PPME1: variants seen among roughly 807,000 people sequenced by gnomAD.
PPME1 encodes testicular secretory protein Li 39.
A neutral mutation model predicts 56.9 loss-of-function variants in PPME1; 17 were observed. That is an observed-to-expected ratio of 0.30 (90% CI 0.20 to 0.45). PPME1 has a LOEUF of 0.45. Ranked by LOEUF, PPME1 falls within the 20% of genes least tolerant of loss-of-function variation. PPME1 has a pLI of 1.00. For synonymous variants in PPME1, 122 were observed against 156.2 expected (o/e 0.78, Z 1.63); for missense variants, 357 against 483.2 (o/e 0.74, Z 2.45).
chr11:74,219,757 A>AGGGAGGT (rs1433497920), intron 3 of PPME1, among the ~76,000 whole-genome samples: 1 of 152,022 alleles, frequency 6.6e-6, no homozygotes, highest in Non-Finnish European at 1.5e-5. Flanking sequence ...GGATGGGGAG[A>AGGGAGGT]GGGAGGTGGG....
chr11:74,238,978 C>A, intron 8 of PPME1, 155 bp from the exon 9 acceptor site: 2 of 747,032 alleles, frequency 2.7e-6, no homozygotes, highest in Non-Finnish European at 4.2e-6. Context: ...CATGATTTTC[C>A]ACAGCCCTGG....
chr11:74,222,452 C>G, intron 4 of PPME1, 83 bp downstream of exon 4: 1 of 1,227,802 alleles, frequency 8.1e-7, no homozygotes, highest in Non-Finnish European at 1.2e-6. Flanking sequence ...GAAATTTCAA[C>G]GTGGCCATAA....
chr11:74,229,447 T>G (rs1293878519), intron 5 of PPME1, among the ~76,000 whole-genome samples: 1 of 151,918 alleles, frequency 6.6e-6, no homozygotes, highest in Non-Finnish European at 1.5e-5. Flanking sequence ...AAAACCAAAC[T>G]TCATACTTCA....
In PPME1 at chr11:74,171,304, G is replaced by A; in HGVS notation, c.-118G>A. ...GGTAGGCGGTGCTACGGGTAGCTGG[G>A]TGCTGTCCAAAGGCGACAGGGCGTC... On this transcript the variant is annotated 5_prime_UTR_variant, in exon 1 of 14. It adds an upstream start codon to the 5' untranslated region. Coordinates refer to ENST00000328257, the MANE Select transcript of PPME1 (RefSeq NM_016147.3). 1 of 1,510,086 alleles carries A rather than the reference G, an allele frequency of 6.6e-7. No homozygotes were observed. Among genetic ancestry groups the A allele is most frequent in the Non-Finnish European group, 8.9e-7 (1 of 1,129,826 alleles). The allele number at this position is 1,510,086 out of a possible 1,614,324, so 93.5% of individuals were successfully genotyped here.
chr11:74,173,768 C>T (rs1188552366), intron 1 of PPME1, among the ~76,000 whole-genome samples: 1 of 152,182 alleles, frequency 6.6e-6, no homozygotes, highest in Admixed American at 6.5e-5. Flanking sequence ...TCTTAAACTC[C>T]TGGCCTTAAG....
At position 74,222,344 on chromosome 11, in the gene PPME1, T is replaced by C; in HGVS notation, c.321T>C (p.Ile107=). The change falls in exon 4 of 14, where the codon ATT becomes ATC. Residue 107 remains isoleucine (I), a synonymous_variant. Transcript: ENST00000328257. The part of the protein sequence containing the change: ...AAIISRVQCR[I]VALDLRSHGE... ...TTATTAGTAGAGTTCAGTGTAGGATTGTAGCTTTGGATCTGCGAAGTCATG... is the reference window on the plus strand; with the variant it reads ...TTATTAGTAGAGTTCAGTGTAGGATCGTAGCTTTGGATCTGCGAAGTCATG... 6.2e-7 allele frequency: 1 copy of C among 1,612,186 alleles called. No individual in the cohort carries two copies. The highest frequency in any genetic ancestry group is 8.5e-7 in the Non-Finnish European group (1 of 1,178,338).
At chr11:74,218,633 A>G (rs1858717660) in intron 3 of PPME1, among the ~76,000 whole-genome samples, 1 of 152,232 alleles carries the variant, frequency 6.6e-6, no homozygotes, top group African/African-American at 2.4e-5. Context: ...CAGAGGTGCT[A>G]AGAACACATG....
At chr11:74,233,602 C>G (rs1215974621) in intron 7 of PPME1, among the ~76,000 whole-genome samples, 1 of 151,932 alleles carries the variant, frequency 6.6e-6, no homozygotes, top group African/African-American at 2.4e-5. Flanking sequence ...TACTTGAGGC[C>G]AGGAGTTTGA....
chr11:74,248,226 C>T (rs764149529), intron 11 of PPME1: 1 of 152,220 alleles, frequency 6.6e-6, no homozygotes, highest in Admixed American at 6.5e-5. Flanking sequence ...GAAGAGGTGC[C>T]AACTCCAAGA....
At chr11:74,176,353 G>A (rs1857399974) in intron 1 of PPME1, among the ~76,000 whole-genome samples, 2 of 151,980 alleles carry the variant, frequency 1.3e-5, no homozygotes, top group Non-Finnish European at 2.9e-5. Context: ...TCACACAGAT[G>A]GGGAAATAAA....
chr11:74,242,104 C>T (rs1859375860), intron 9 of PPME1, among the ~76,000 whole-genome samples: 1 of 152,052 alleles, frequency 6.6e-6, no homozygotes, highest in South Asian at 2.1e-4. Flanking sequence ...TGTTTTAGCT[C>T]TTACATTTAG....
intron 1 of PPME1, among the ~76,000 whole-genome samples, chr11:74,183,726 T>C (rs1443565168): frequency 6.6e-6 from 1 of 152,216 alleles, no homozygotes; most frequent in Non-Finnish European, 1.5e-5. Flanking sequence ...TACAAATTGA[T>C]GGTGCCTTGT....
intron 3 of PPME1, among the ~76,000 whole-genome samples, chr11:74,215,805 A>G (rs1023563413): frequency 1.3e-5 from 2 of 152,222 alleles, no homozygotes; most frequent in African/African-American, 4.8e-5. Flanking sequence ...AAATAAAGTG[A>G]GGGACAAAGA....
chr11:74,252,810 G>A (rs889886130), intron 13 of PPME1, among the ~76,000 whole-genome samples: 4 of 152,132 alleles, frequency 2.6e-5, no homozygotes, highest in African/African-American at 9.7e-5. Flanking sequence ...ATCCTAGGTA[G>A]CTCTTCATCT....
intron 1 of PPME1, among the ~76,000 whole-genome samples, chr11:74,202,356 A>G (rs181786835): frequency 6.6e-6 from 1 of 152,352 alleles, no homozygotes; most frequent in Admixed American, 6.5e-5. Flanking sequence ...TCATTGTTAG[A>G]TTCAGAAATA....
intron 1 of PPME1, among the ~76,000 whole-genome samples, chr11:74,175,331 C>T (rs1022914701): frequency 9.2e-5 from 14 of 151,930 alleles, no homozygotes; most frequent in South Asian, 6.2e-4. Flanking sequence ...AGAAAAACAC[C>T]GTCTCTCCTA....
At chr11:74,236,968 T>C (rs905089843) in intron 8 of PPME1, among the ~76,000 whole-genome samples, 1 of 152,186 alleles carries the variant, frequency 6.6e-6, no homozygotes, top group Non-Finnish European at 1.5e-5. Context: ...TCAAAATAAG[T>C]AGATAGCAAT....
intron 11 of PPME1, chr11:74,249,659 G>C (rs1261926461): frequency 6.6e-6 from 1 of 152,158 alleles, no homozygotes; most frequent in Non-Finnish European, 1.5e-5. Flanking sequence ...CCTGTGTTAG[G>C]TCTTATTAGG....
At chr11:74,231,091 T>TCCAGC in intron 7 of PPME1, 89 bp downstream of exon 7, 1 of 1,133,162 alleles carries the variant, frequency 8.8e-7, no homozygotes, top group Non-Finnish European at 1.3e-6. Flanking sequence ...AAGGCCTCAC[T>TCCAGC]CTGTCACCCA....
Sources: gnomAD v4.1 joint callset for allele counts (sites outside exome capture counted in the v4.1 genomes callset) on GRCh38, gnomAD v4.1.1 for gene constraint, MANE v1.5 for transcripts, NCBI Gene and HGNC (gene_info 2026-07-23, HGNC 2026-07-21) for gene names.